The following MYO1B variants were observed in gnomAD, a reference collection of about 807,000 sequenced individuals.
MYO1B encodes unconventional myosin-Ib.
Under a neutral mutation model 159.7 loss-of-function variants are expected in MYO1B, and 72 were observed. The ratio of observed to expected loss-of-function variants is 0.45; its 90% confidence interval spans 0.37 to 0.55. The LOEUF (loss-of-function observed/expected upper bound fraction) is 0.55, where lower values mean the gene tolerates loss of function less well. MYO1B is among the 20% of genes least tolerant of loss of function. The pLI is 0.00. For missense variants in MYO1B, 1,062 were observed against 1,364.8 expected (o/e 0.78, Z 3.50); for synonymous variants, 468 against 473.8 (o/e 0.99, Z 0.16).
intron 13 of MYO1B, chr2:191,377,626 T>C (rs1204701482): frequency 2.6e-5 from 4 of 152,186 alleles, no homozygotes; most frequent in South Asian, 2.1e-4. Context: ...GGGGCCCAAG[T>C]TGAAAACCAG....
At chr2:191,383,369 A>G (rs779086892) in intron 15 of MYO1B, 27 bp downstream of exon 15, 93 of 1,461,396 alleles carry the variant, frequency 6.4e-5, no homozygotes, top group Non-Finnish European at 8.1e-5. Context: ...AGTTTTCTAA[A>G]GAATGTTTTA....
intron 1 of MYO1B, among the ~76,000 whole-genome samples, chr2:191,250,306 A>T (rs1391237819): frequency 6.6e-6 from 1 of 152,214 alleles, no homozygotes; most frequent in Non-Finnish European, 1.5e-5. Flanking sequence ...TATTTCCTCC[A>T]ATCTCCAATG....
At chr2:191,403,042 T>C (rs191540176) in intron 24 of MYO1B, among the ~76,000 whole-genome samples, 1 of 152,344 alleles carries the variant, frequency 6.6e-6, no homozygotes, top group East Asian at 1.9e-4. Flanking sequence ...ACAGTTACAA[T>C]AGTTGAGCTA....
At position 191,359,399 on chromosome 2, in the gene MYO1B, T is replaced by C. The variant is rs73981598; in HGVS notation, c.563-1232T>C. Among the ~76,000 whole-genome samples the C allele has an allele frequency of 5.3e-3, 806 of 151,308 alleles. 6 individuals carry two copies. The highest frequency in any genetic ancestry group is 0.019 in the African/African-American group (770 of 41,290). On this transcript the variant is annotated intron_variant, in intron 7 of 30. Coordinates refer to ENST00000392318, the MANE Select transcript of MYO1B (RefSeq NM_001130158.3). ...AGGACATTGGCAGTCTTCCAAGTCA[T>C]ATGAGAGCTGGAGAACATGAAAAAT...
intron 19 of MYO1B, among the ~76,000 whole-genome samples, chr2:191,392,521 A>G (rs1695818655): frequency 6.6e-6 from 1 of 152,212 alleles, no homozygotes; most frequent in Non-Finnish European, 1.5e-5. Context: ...TAATACCTGA[A>G]TTATACATTA....
At chr2:191,289,177 G>T (rs1372681089) in intron 2 of MYO1B, among the ~76,000 whole-genome samples, 1 of 152,170 alleles carries the variant, frequency 6.6e-6, no homozygotes, top group East Asian at 1.9e-4. Flanking sequence ...GGAGGCTTTT[G>T]CCTAACAGAG....
chr2:191,283,022 G>A (rs1688156847), intron 2 of MYO1B, among the ~76,000 whole-genome samples: 1 of 152,216 alleles, frequency 6.6e-6, no homozygotes, highest in Non-Finnish European at 1.5e-5. Flanking sequence ...CCTAGATAAA[G>A]CTGTTGAAAA....
At chr2:191,382,792 T>A (rs1194370768) in intron 14 of MYO1B, among the ~76,000 whole-genome samples, 1 of 152,234 alleles carries the variant, frequency 6.6e-6, no homozygotes, top group African/African-American at 2.4e-5. Flanking sequence ...TGGCCTGTTT[T>A]TTTTAACACT....
At chr2:191,414,954 A>G (rs1418731383) in intron 29 of MYO1B, among the ~76,000 whole-genome samples, 1 of 152,238 alleles carries the variant, frequency 6.6e-6, no homozygotes, top group Non-Finnish European at 1.5e-5. Flanking sequence ...CAACTTAGTA[A>G]ATGTCTTAAT....
At chr2:191,397,243 G>C (rs1454537386) in intron 21 of MYO1B, among the ~76,000 whole-genome samples, 2 of 145,750 alleles carry the variant, frequency 1.4e-5, no homozygotes, top group Non-Finnish European at 3.0e-5. Context: ...CTCGCAGAGG[G>C]GGATTTGGCA....
At chr2:191,295,987 A>G (rs1433524044) in intron 2 of MYO1B, 124 bp from the exon 3 acceptor site, 5 of 426,330 alleles carry the variant, frequency 1.2e-5, no homozygotes, top group South Asian at 5.6e-5. Context: ...AATGTATACA[A>G]TGAATGGTGA....
intron 5 of MYO1B, 61 bp downstream of exon 5, chr2:191,341,626 T>G (rs1692229819): frequency 1.5e-6 from 2 of 1,337,960 alleles, no homozygotes; most frequent in East Asian, 4.7e-5. Flanking sequence ...GTTATGTGGG[T>G]GCTTTGAGTA....
intron 3 of MYO1B, among the ~76,000 whole-genome samples, chr2:191,320,687 C>T (rs530325666): frequency 3.2e-4 from 48 of 152,238 alleles, no homozygotes; most frequent in African/African-American, 1.1e-3. Context: ...ATTCGGCCCC[C>T]ACATACCTTT....
rs1574336564 is a variant in MYO1B at position 191,284,721 on chromosome 2, C to T, written c.135+7691C>T. Among the ~76,000 whole-genome samples, 4 of 152,284 alleles carry T rather than the reference C, an allele frequency of 2.6e-5. No homozygotes were observed. In the South Asian group the frequency reaches 8.3e-4, roughly 32 times the overall value. On this transcript the variant is annotated intron_variant, in intron 2 of 30. Coordinates refer to ENST00000392318, the MANE Select transcript of MYO1B (RefSeq NM_001130158.3). ...CATCTTGGTTCATTACAACCTCTGCCTCCTGGGTTCAAACGGTTCTTCTGC... is the reference window on the plus strand; with the variant it reads ...CATCTTGGTTCATTACAACCTCTGCTTCCTGGGTTCAAACGGTTCTTCTGC...
chr2:191,249,363 CTTCCTTAGGGAAG>C (rs1685977042), intron 1 of MYO1B, among the ~76,000 whole-genome samples: 1 of 152,226 alleles, frequency 6.6e-6, no homozygotes, highest in Admixed American at 6.5e-5. Flanking sequence ...AGAAGGCATT[CTTCCTTAGGGAAG>C]TGTCAAGGGT....
chr2:191,294,155 AAACTTAC>A (rs1288872445), intron 2 of MYO1B, among the ~76,000 whole-genome samples: 1 of 152,176 alleles, frequency 6.6e-6, no homozygotes, highest in Non-Finnish European at 1.5e-5. Context: ...GAACAAAGAG[AAACTTAC>A]AACTTATTAC....
In MYO1B at chr2:191,381,135, G is replaced by A. The variant is rs185755225; in HGVS notation, c.1186-327G>A. The A allele has an allele frequency of 2.5e-3, 916 of 359,550 alleles. 5 individuals carry two copies. The highest frequency in any genetic ancestry group is 3.8e-3 in the Non-Finnish European group (709 of 187,430). The allele number at this position is 359,550 out of a possible 1,614,324, so 22.3% of individuals were successfully genotyped here. On this transcript the variant is annotated intron_variant, in intron 13 of 30. Transcript: ENST00000392318. ...TCAGAACTTGGTGACAGAGATTGTGGAGCTCACTGTGTCTTTGCTGATCCT... is the reference window on the plus strand; with the variant it reads ...TCAGAACTTGGTGACAGAGATTGTGAAGCTCACTGTGTCTTTGCTGATCCT...
chr2:191,390,079 G>A (rs997768931), intron 17 of MYO1B, among the ~76,000 whole-genome samples: 2 of 152,162 alleles, frequency 1.3e-5, no homozygotes, highest in Non-Finnish European at 2.9e-5. Context: ...ATTTATTAGT[G>A]TGTTCTTTTT....
At chr2:191,398,474 G>A (rs1047357387) in intron 21 of MYO1B, among the ~76,000 whole-genome samples, 2 of 150,110 alleles carry the variant, frequency 1.3e-5, no homozygotes, top group Admixed American at 1.3e-4. Flanking sequence ...TCCCAGACGG[G>A]GTGGCTGCCG....
Sources: allele counts gnomAD v4.1 joint callset (sites outside exome capture counted in the v4.1 genomes callset), GRCh38; gene constraint gnomAD v4.1.1; transcripts MANE v1.5; gene names NCBI Gene and HGNC (gene_info 2026-07-23, HGNC 2026-07-21).